The following NUP210 variants were observed in gnomAD, a reference collection of about 807,000 sequenced individuals.
NUP210 encodes the protein nuclear pore membrane glycoprotein 210.
NUP210 carries 151 observed loss-of-function variants against 196.0 expected under a neutral mutation model. That is an observed-to-expected ratio of 0.77 (90% CI 0.67 to 0.88). The LOEUF (loss-of-function observed/expected upper bound fraction) is 0.88, where lower values mean the gene tolerates loss of function less well. Ranked by LOEUF, NUP210 falls within the 40% of genes least tolerant of loss-of-function variation. NUP210 has a pLI of 0.00. For synonymous variants in NUP210, 1,070 were observed against 1,052.7 expected (o/e 1.02, Z -0.32); for missense variants, 2,314 against 2,493.7 (o/e 0.93, Z 1.53).
At position 13,409,859 on chromosome 3, in the gene NUP210, C is replaced by T. The variant is rs199712395; in HGVS notation, c.168-9998G>A. On this transcript the variant is annotated intron_variant, in intron 1 of 39. Coordinates refer to ENST00000254508, the MANE Select transcript of NUP210 (RefSeq NM_024923.4). Reference sequence around the variant, plus strand: ...ATACTAATTTTTTTTTTTTTGGAGACGGAGTCTCGTTCTGTCACCCAGGCT... The same window carrying T: ...ATACTAATTTTTTTTTTTTTGGAGATGGAGTCTCGTTCTGTCACCCAGGCT... Among the ~76,000 whole-genome samples, 51 of 148,790 alleles carry T rather than the reference C, an allele frequency of 3.4e-4. 3 individuals carry two copies. The highest frequency in any genetic ancestry group is 2.5e-3 in the South Asian group (12 of 4,750).
At chr3:13,418,600 CA>C (rs1457312441) in intron 1 of NUP210, among the ~76,000 whole-genome samples, 5 of 152,092 alleles carry the variant, frequency 3.3e-5, no homozygotes, top group African/African-American at 9.6e-5. Context: ...CCAGCCTGGC[CA>C]ACATAGTGAA....
intron 28 of NUP210, among the ~76,000 whole-genome samples, chr3:13,334,618 G>A (rs528842298): frequency 6.6e-6 from 1 of 152,196 alleles, no homozygotes; most frequent in East Asian, 1.9e-4. Flanking sequence ...AACACTTTTT[G>A]TTTTTCTTTA....
chr3:13,388,913 G>A (rs1317275636), intron 4 of NUP210, among the ~76,000 whole-genome samples: 2 of 152,330 alleles, frequency 1.3e-5, no homozygotes, highest in East Asian at 3.9e-4. Context: ...TCTGGGGAAC[G>A]ATTCTCCATG....
At chr3:13,331,454 A>G (rs975371738) in intron 29 of NUP210, among the ~76,000 whole-genome samples, 1 of 152,014 alleles carries the variant, frequency 6.6e-6, no homozygotes, top group Non-Finnish European at 1.5e-5. Context: ...AACCTGGGGA[A>G]CTCTTATTCA....
chr3:13,370,188 T>A (rs1314198448), intron 13 of NUP210, among the ~76,000 whole-genome samples: 1 of 151,030 alleles, frequency 6.6e-6, no homozygotes, highest in African/African-American at 2.4e-5. Context: ...GCCTGGGCCC[T>A]ACACACCTCC....
At chr3:13,397,719 C>T (rs999456933) in intron 2 of NUP210, among the ~76,000 whole-genome samples, 12 of 152,290 alleles carry the variant, frequency 7.9e-5, no homozygotes, top group Admixed American at 2.0e-4. Flanking sequence ...CAGCAGGGCA[C>T]CAGCATTTAA....
chr3:13,379,047 T>G lies in NUP210; in HGVS notation c.977-67A>C. ...AACCAGCTGGCTGGCCAGTTTCAGC[T>G]TGGCTCAGAATCCTGATCATCAAGA... On this transcript the variant is annotated intron_variant, in intron 7 of 39. Transcript: ENST00000254508. This position sits in a 1 kb window ranked among gnomAD's most constrained non-coding sequence, Gnocchi z 4.2. 1 of 1,347,922 alleles carries G rather than the reference T, an allele frequency of 7.4e-7. No homozygotes were observed. The highest frequency in any genetic ancestry group is 1.1e-6 in the Non-Finnish European group (1 of 938,190). 83.5% of individuals were successfully genotyped at this position (1,347,922 alleles called of 1,614,324 possible).
chr3:13,363,366 C>T (rs1319258969), intron 14 of NUP210, among the ~76,000 whole-genome samples: 1 of 152,238 alleles, frequency 6.6e-6, no homozygotes, highest in Non-Finnish European at 1.5e-5. Flanking sequence ...CAAAGCAGGC[C>T]ACTGTGTATC....
intron 13 of NUP210, among the ~76,000 whole-genome samples, chr3:13,368,307 G>A (rs1002586041): frequency 1.3e-5 from 2 of 152,088 alleles, no homozygotes; most frequent in Non-Finnish European, 2.9e-5. Context: ...AAACTCCTGG[G>A]CTCAAGCAAT....
intron 6 of NUP210, among the ~76,000 whole-genome samples, chr3:13,384,840 C>G (rs753211810): frequency 5.3e-5 from 8 of 152,218 alleles, no homozygotes; most frequent in Non-Finnish European, 1.0e-4. Flanking sequence ...GCCTCCTCCC[C>G]TTTCAGAGTC....
rs760475344 is a variant in NUP210, at chr3:13,360,405, G to C, written c.2019C>G (p.Leu673=). Reference sequence around the variant, plus strand: ...CGTTCTGGAAGAATTTGGACGGCTCGAGGATCCAAGGTCTGGGACCTCCTT... The same window carrying C: ...CGTTCTGGAAGAATTTGGACGGCTCCAGGATCCAAGGTCTGGGACCTCCTT... ...LFEGGPRPWI[L]EPSKFFQNVT... is the part of the protein sequence containing the mutation. The change falls in exon 15 of 40, where the codon CTC becomes CTG. Residue 673 remains leucine (L), a synonymous_variant. Coordinates refer to ENST00000254508, the MANE Select transcript of NUP210 (RefSeq NM_024923.4). 6 of 1,613,970 alleles carry C rather than the reference G, an allele frequency of 3.7e-6. No individual in the cohort carries two copies. The highest frequency in any genetic ancestry group is 5.1e-6 in the Non-Finnish European group (6 of 1,179,994).
intron 3 of NUP210, among the ~76,000 whole-genome samples, chr3:13,394,004 G>A (rs73813574): frequency 0.023 from 3,476 of 152,348 alleles, 120 homozygotes; most frequent in African/African-American, 0.078. Flanking sequence ...ACTGATTTCA[G>A]TTATGTCTTC....
chr3:13,333,937 GTCAGGGAGAAA>G (rs1360717641), intron 28 of NUP210, among the ~76,000 whole-genome samples: 1 of 152,228 alleles, frequency 6.6e-6, no homozygotes, highest in Non-Finnish European at 1.5e-5. Context: ...TGATATCACT[GTCAGGGAGAAA>G]ACAGGGAGTG....
chr3:13,418,916 G>A (rs1473086510), intron 1 of NUP210, among the ~76,000 whole-genome samples: 1 of 127,880 alleles, frequency 7.8e-6, no homozygotes, highest in Admixed American at 9.3e-5. Flanking sequence ...ACCACTGCAC[G>A]TCAGCATGGA....
intron 20 of NUP210, among the ~76,000 whole-genome samples, chr3:13,346,409 G>A (rs908866979): frequency 3.9e-5 from 6 of 152,240 alleles, no homozygotes; most frequent in Non-Finnish European, 5.9e-5. Flanking sequence ...GAATGTTTGC[G>A]AGGGGAAAGA....
In NUP210 at chr3:13,319,145, A is replaced by G; in HGVS notation, c.5490T>C (p.Thr1830=). 6.2e-7 allele frequency: 1 copy of G among 1,610,380 alleles called. No individual in the cohort carries two copies. Among genetic ancestry groups the G allele is most frequent in the Non-Finnish European group, 8.5e-7 (1 of 1,178,128 alleles). ...CAGCAAGATCCCGGGGCGTGCAGAC[A>G]GTGTGGTAGGCTGCAAGAGCACAGG... The part of the protein sequence containing the change: ...GTAVMIIAYH[T]VCTPRDLAVP... The change falls in exon 39 of 40, where the codon ACT becomes ACC. Residue 1830 remains threonine, a synonymous_variant. Transcript: ENST00000254508.
Position 13,347,148 on chromosome 3 carries a change from A to T in NUP210, c.2836-3845T>A, listed in dbSNP as rs778758533. On this transcript the variant is annotated intron_variant, in intron 20 of 39. Transcript: ENST00000254508. This position sits in a 1 kb window ranked among gnomAD's most constrained non-coding sequence, Gnocchi z 4.7. ...CAGGACCCAGGAGATGGAGAGAAGC[A>T]GCCGCAGCTCATAGGACCCAGGAGA... 94 of 985,304 alleles carry T rather than the reference A, an allele frequency of 9.5e-5. No individual in the cohort carries two copies. Among genetic ancestry groups the T allele is most frequent in the Admixed American group, 6.1e-5 (1 of 16,262 alleles). The allele number at this position is 985,304 out of a possible 1,614,324, so 61.0% of individuals were successfully genotyped here.
At chr3:13,319,041 G>T (rs747880118) in intron 39 of NUP210, 31 bp downstream of exon 39, 2 of 1,573,282 alleles carry the variant, frequency 1.3e-6, no homozygotes, top group Non-Finnish European at 1.7e-6. Flanking sequence ...CAGCAGCTCT[G>T]CCTGGTTGTG....
In NUP210 at chr3:13,377,450, A is replaced by C; in HGVS notation, c.1152+6T>G. 1 of 1,599,106 alleles carries C rather than the reference A, an allele frequency of 6.3e-7. No individual in the cohort carries two copies. Among genetic ancestry groups the C allele is most frequent in the South Asian group, 1.1e-5 (1 of 90,620 alleles). Reference sequence around the variant, plus strand: ...CCCCCCAGCCAGGACCTGAACAGGCACTCACGTCAGATACATAGACCTTGT... The same window carrying C: ...CCCCCCAGCCAGGACCTGAACAGGCCCTCACGTCAGATACATAGACCTTGT... On this transcript the variant is annotated splice_donor_region_variant and intron_variant, in intron 9 of 39. Transcript: ENST00000254508.
Sources: allele counts gnomAD v4.1 joint callset (sites outside exome capture counted in the v4.1 genomes callset), GRCh38; gene constraint gnomAD v4.1.1; non-coding constraint Gnocchi (gnomAD v3.1); transcripts MANE v1.5; gene names NCBI Gene and HGNC (gene_info 2026-07-23, HGNC 2026-07-21).